PTCHD4: variants seen among roughly 807,000 people sequenced by gnomAD.
PTCHD4 encodes patched domain containing 4, also known as patched domain-containing protein 4.
Under a neutral mutation model 58.1 loss-of-function variants are expected in PTCHD4, and 33 were observed. That is an observed-to-expected ratio of 0.57 (90% confidence interval 0.43 to 0.76). The LOEUF is 0.76. Ranked by LOEUF, PTCHD4 falls within the 30% of genes least tolerant of loss-of-function variation. The pLI, the probability that PTCHD4 is intolerant of heterozygous loss-of-function variation, is 0.00. For missense variants in PTCHD4, 1,058 were observed against 1,027.1 expected, an observed-to-expected ratio of 1.03 and a Z score of -0.41; for synonymous variants, 478 against 409.6, an observed-to-expected ratio of 1.17 and a Z score of -2.02.
chr6:47,927,039 C>T (rs78160398), intron 4 of PTCHD4, among the ~76,000 whole-genome samples: 15,944 of 151,956 alleles, frequency 0.1, 850 homozygotes, highest in Middle Eastern at 0.12. Flanking sequence ...CCCTTTGCCT[C>T]CAGGGAAGAG....
At chr6:48,103,979 T>A (rs1011858096) in intron 1 of PTCHD4, among the ~76,000 whole-genome samples, 4 of 152,214 alleles carry the variant, frequency 2.6e-5, no homozygotes, top group African/African-American at 9.6e-5. Flanking sequence ...GTCTAATTGG[T>A]GTACCTGAAA....
chr6:47,922,946 C>T (rs1561959112), intron 4 of PTCHD4, among the ~76,000 whole-genome samples: 1 of 152,184 alleles, frequency 6.6e-6, no homozygotes, highest in Non-Finnish European at 1.5e-5. Flanking sequence ...GTAGCTTCTA[C>T]TGCCTGAGCT....
chr6:47,941,975 T>A (rs942889131), intron 4 of PTCHD4, among the ~76,000 whole-genome samples: 1 of 152,246 alleles, frequency 6.6e-6, no homozygotes, highest in African/African-American at 2.4e-5. Context: ...TTGTGTTGAA[T>A]GTGAATCTAG....
At chr6:47,882,928 T>C (rs2114105605) in intron 4 of PTCHD4, among the ~76,000 whole-genome samples, 1 of 151,566 alleles carries the variant, frequency 6.6e-6, no homozygotes, top group South Asian at 2.1e-4. Flanking sequence ...CTGCAGGACA[T>C]CTGGTAAAGT....
At chr6:47,976,312 C>A (rs141986597) in intron 4 of PTCHD4, among the ~76,000 whole-genome samples, 2,176 of 152,200 alleles carry the variant, frequency 0.014, 26 homozygotes, top group South Asian at 0.047. Context: ...TGAAAGTCTG[C>A]TAAAATCTCA....
chr6:48,090,500 G>T (rs1415749241), intron 1 of PTCHD4, among the ~76,000 whole-genome samples: 2 of 152,100 alleles, frequency 1.3e-5, no homozygotes, highest in Non-Finnish European at 2.9e-5. Flanking sequence ...AATCATAGAG[G>T]TTATTCTGTC....
intron 4 of PTCHD4, among the ~76,000 whole-genome samples, chr6:47,951,243 A>G (rs1766635181): frequency 6.6e-6 from 1 of 152,152 alleles, no homozygotes; most frequent in Non-Finnish European, 1.5e-5. Context: ...CAGTTCTAGT[A>G]GTAGCTCATT....
intron 4 of PTCHD4, among the ~76,000 whole-genome samples, chr6:47,972,624 T>C (rs1002154283): frequency 6.6e-6 from 1 of 151,948 alleles, no homozygotes; most frequent in Non-Finnish European, 1.5e-5. Context: ...TAAGTAAATA[T>C]CATATAATTA....
chr6:48,082,265 G>T (rs1765181836), intron 1 of PTCHD4, among the ~76,000 whole-genome samples: 1 of 152,102 alleles, frequency 6.6e-6, no homozygotes, highest in Non-Finnish European at 1.5e-5. Flanking sequence ...GAAAAAATGT[G>T]GCTTATGAAA....
chr6:48,089,084 A>G (rs929082825), intron 1 of PTCHD4, among the ~76,000 whole-genome samples: 1 of 152,140 alleles, frequency 6.6e-6, no homozygotes, highest in Non-Finnish European at 1.5e-5. Context: ...GGGGGTAATC[A>G]TTACTATGAT....
chr6:47,882,594 T>G (rs1764049659), intron 4 of PTCHD4, among the ~76,000 whole-genome samples: 1 of 151,750 alleles, frequency 6.6e-6, no homozygotes, highest in Non-Finnish European at 1.5e-5. Context: ...TCCTCATTAG[T>G]CTTATCTTCT....
intron 4 of PTCHD4, among the ~76,000 whole-genome samples, chr6:47,996,900 T>TA (rs1768512054): frequency 6.6e-6 from 1 of 152,162 alleles, no homozygotes; most frequent in African/African-American, 2.4e-5. Flanking sequence ...AACACTTTTC[T>TA]AAAAAAATAA....
intron 4 of PTCHD4, among the ~76,000 whole-genome samples, chr6:47,976,931 T>C (rs957856512): frequency 1.3e-5 from 2 of 152,092 alleles, no homozygotes; most frequent in Non-Finnish European, 2.9e-5. Flanking sequence ...TTTGAGGAAA[T>C]AGACACTGTC....
chr6:48,079,816 C>T (rs1765128940), intron 1 of PTCHD4, among the ~76,000 whole-genome samples: 1 of 151,760 alleles, frequency 6.6e-6, no homozygotes, highest in Non-Finnish European at 1.5e-5. Context: ...TACCACTGCT[C>T]CTAGGAGCTG....
chr6:47,982,862 T>G (rs1443842765), intron 4 of PTCHD4, among the ~76,000 whole-genome samples: 2 of 152,208 alleles, frequency 1.3e-5, no homozygotes, highest in South Asian at 4.1e-4. Context: ...GAATTTTGAA[T>G]GAAGTAATGA....
chr6:47,963,108 G>C (rs113598405), intron 4 of PTCHD4, among the ~76,000 whole-genome samples: 14,663 of 151,612 alleles, frequency 0.097, 920 homozygotes, highest in Middle Eastern at 0.26. Context: ...TAGCCTGAGC[G>C]ACAGAGCAAG....
chr6:47,984,436 G>A (rs1206418121), intron 4 of PTCHD4, among the ~76,000 whole-genome samples: 3 of 152,020 alleles, frequency 2.0e-5, no homozygotes, highest in Non-Finnish European at 4.4e-5. Flanking sequence ...TCACCAGAAC[G>A]TCATGGGGGA....
chr6:48,096,626 A>AG (rs370873621), intron 1 of PTCHD4, among the ~76,000 whole-genome samples: 3 of 151,068 alleles, frequency 2.0e-5, no homozygotes, highest in African/African-American at 4.9e-5. Context: ...AAAAAAAAAA[A>AG]GAAATAAAGA....
intron 4 of PTCHD4, among the ~76,000 whole-genome samples, chr6:47,982,220 G>A (rs1303161712): frequency 6.6e-6 from 1 of 152,068 alleles, no homozygotes; most frequent in Non-Finnish European, 1.5e-5. Context: ...TAAAGGAGGG[G>A]AGCTATTAAA....
Sources: allele counts gnomAD v4.1 joint callset (sites outside exome capture counted in the v4.1 genomes callset), GRCh38; gene constraint gnomAD v4.1.1; transcripts MANE v1.5; gene names NCBI Gene and HGNC (gene_info 2026-07-23, HGNC 2026-07-21).